The following ATP8A2 variants were observed in gnomAD, a reference collection of about 807,000 sequenced individuals.
ATP8A2 encodes the protein phospholipid-transporting ATPase IB.
Under a neutral mutation model 165.6 loss-of-function variants are expected in ATP8A2, and 100 were observed. The ratio of observed to expected loss-of-function variants is 0.60; its 90% CI spans 0.51 to 0.71. ATP8A2 has a LOEUF of 0.71. Among genes scored for constraint, ATP8A2 ranks in the 30% least tolerant of loss-of-function variants. ATP8A2 has a pLI of 0.00. For missense variants in ATP8A2, 1,227 were observed against 1,479.5 expected (o/e 0.83, Z 2.80); for synonymous variants, 543 against 548.8 (o/e 0.99, Z 0.15).
At chr13:25,678,722 T>A (rs2042422592) in intron 24 of ATP8A2, among the ~76,000 whole-genome samples, 1 of 152,152 alleles carries the variant, frequency 6.6e-6, no homozygotes, top group South Asian at 2.1e-4. Context: ...TGGAAATTAG[T>A]CCTGGGGTTG....
chr13:25,837,812 C>G (rs1951657109), intron 29 of ATP8A2, among the ~76,000 whole-genome samples: 1 of 151,646 alleles, frequency 6.6e-6, no homozygotes, highest in African/African-American at 2.4e-5. Context: ...TTTTTCTGGA[C>G]CAGAGAATCA....
At chr13:25,812,473 G>T in intron 27 of ATP8A2, among the ~76,000 whole-genome samples, 1 of 140 alleles carries the variant, frequency 7.1e-3, no homozygotes, top group Non-Finnish European at 0.05. Context: ...GATTCTTACT[G>T]TTACATCAGC....
chr13:25,813,156 G>C (rs1439314676), intron 27 of ATP8A2, among the ~76,000 whole-genome samples: 14 of 152,062 alleles, frequency 9.2e-5, no homozygotes, highest in Middle Eastern at 3.4e-3. Context: ...AACCACCATA[G>C]CACATGTTTA....
chr13:25,505,202 CG>C (rs375325842), intron 2 of ATP8A2, among the ~76,000 whole-genome samples: 701 of 37,522 alleles, frequency 0.019, 15 homozygotes, highest in African/African-American at 0.054. Context: ...TTCGGCGGGG[CG>C]GGGGGGGGTG....
intron 25 of ATP8A2, among the ~76,000 whole-genome samples, chr13:25,700,537 CT>C (rs1333704973): frequency 6.6e-6 from 1 of 152,132 alleles, no homozygotes; most frequent in Non-Finnish European, 1.5e-5. Context: ...TGTGTCAGTA[CT>C]TCCTTCTTTT....
At chr13:26,016,753 A>T (rs569172279) in intron 36 of ATP8A2, among the ~76,000 whole-genome samples, 3 of 152,250 alleles carry the variant, frequency 2.0e-5, no homozygotes, top group Admixed American at 6.5e-5. Context: ...TCTGACGTGG[A>T]TGCAGAGGCC....
rs186881213 is a variant in ATP8A2, at chr13:25,989,969, T to G, written c.3377+21290T>G. The stretch of plus-strand genomic sequence containing the variant: ...TCCTTTGGCCCTGGAGATTGTGTTT[T>G]TAACAAAGCACCTCCCTTAGAGCGG... On this transcript the variant is annotated intron_variant, in intron 35 of 36. Coordinates refer to ENST00000381655, the MANE Select transcript of ATP8A2 (RefSeq NM_016529.6). Among the ~76,000 whole-genome samples, 19 of 152,310 alleles carry G rather than the reference T, an allele frequency of 1.2e-4. No homozygotes were observed. The East Asian group carries it at 3.3e-3, about 26-fold the overall frequency.
intron 24 of ATP8A2, among the ~76,000 whole-genome samples, chr13:25,590,603 G>T (rs1395169692): frequency 6.6e-6 from 1 of 152,124 alleles, no homozygotes. Context: ...GAAAATATGA[G>T]CTGAACAATG....
chr13:25,849,740 A>T (rs1951960957), intron 30 of ATP8A2, among the ~76,000 whole-genome samples: 1 of 152,176 alleles, frequency 6.6e-6, no homozygotes, highest in Non-Finnish European at 1.5e-5. Context: ...AACCCCAACC[A>T]GATTTCATGA....
rs371720867 is a variant in ATP8A2 at position 25,564,074 on chromosome 13, G to A, written c.1473+43G>A. On this transcript the variant is annotated intron_variant, in intron 16 of 36. Transcript: ENST00000381655. ...CTTCGAAGACAGCAAACAGCTTACG[G>A]TGCAACTTTCTTTTATATATGCATG... The A allele has an allele frequency of 1.5e-5, 21 of 1,424,096 alleles. No homozygotes were observed. In the African/African-American group the frequency reaches 2.4e-4, roughly 16 times the overall value. 88.2% of individuals were successfully genotyped at this position (1,424,096 alleles called of 1,614,324 possible). A position where few individuals can be genotyped will look rare whatever the true frequency, so the allele number is the denominator to read the frequency against.
intron 2 of ATP8A2, among the ~76,000 whole-genome samples, chr13:25,484,204 A>G (rs1304086233): frequency 6.6e-6 from 1 of 152,248 alleles, no homozygotes; most frequent in Non-Finnish European, 1.5e-5. Flanking sequence ...ATAAATTCAC[A>G]TTAAATTCAC....
At chr13:25,519,641 G>A (rs867751398) in intron 2 of ATP8A2, among the ~76,000 whole-genome samples, 81 of 152,082 alleles carry the variant, frequency 5.3e-4, no homozygotes, top group African/African-American at 1.7e-3. Context: ...TCCTGTTTGC[G>A]CCTGGTCACT....
chr13:25,841,151 C>T (rs1951740496), intron 30 of ATP8A2, among the ~76,000 whole-genome samples: 1 of 152,144 alleles, frequency 6.6e-6, no homozygotes, highest in Non-Finnish European at 1.5e-5. Flanking sequence ...GGTGAAATTG[C>T]TATAGTTTAA....
intron 24 of ATP8A2, among the ~76,000 whole-genome samples, chr13:25,682,279 G>C (rs1254364381): frequency 6.6e-6 from 1 of 151,856 alleles, no homozygotes; most frequent in African/African-American, 2.4e-5. Context: ...TAATCGGATC[G>C]TGCCTCCCCC....
chr13:25,885,718 G>A (rs1953129148), intron 33 of ATP8A2, among the ~76,000 whole-genome samples: 1 of 152,214 alleles, frequency 6.6e-6, no homozygotes, highest in South Asian at 2.1e-4. Context: ...ATCAGAAACT[G>A]ATATGAGGGG....
intron 36 of ATP8A2, among the ~76,000 whole-genome samples, chr13:26,016,899 G>A (rs1262645952): frequency 6.6e-6 from 1 of 152,110 alleles, no homozygotes; most frequent in East Asian, 1.9e-4. Flanking sequence ...GCCTGGTCCA[G>A]GCCATTTAAT....
intron 1 of ATP8A2, among the ~76,000 whole-genome samples, chr13:25,453,156 C>T (rs1284321709): frequency 1.3e-5 from 2 of 151,722 alleles, no homozygotes; most frequent in South Asian, 2.1e-4. Context: ...ACGAAGTTTT[C>T]GCTCTTGTTG....
At chr13:25,638,863 C>T (rs886865841) in intron 24 of ATP8A2, among the ~76,000 whole-genome samples, 3 of 152,130 alleles carry the variant, frequency 2.0e-5, no homozygotes, top group African/African-American at 7.2e-5. Context: ...AGAGAACGGT[C>T]GGGTTACCCA....
chr13:25,637,361 A>G (rs1241756404), intron 24 of ATP8A2, among the ~76,000 whole-genome samples: 3 of 152,156 alleles, frequency 2.0e-5, no homozygotes, highest in African/African-American at 4.8e-5. Context: ...TTTCCTAGCC[A>G]AGGGAAGCTG....
Sources: gnomAD v4.1 joint callset for allele counts (sites outside exome capture counted in the v4.1 genomes callset) on GRCh38, gnomAD v4.1.1 for gene constraint, MANE v1.5 for transcripts, NCBI Gene and HGNC (gene_info 2026-07-23, HGNC 2026-07-21) for gene names.